TUBB8B: variants seen among roughly 807,000 people sequenced by gnomAD.
TUBB8B encodes tubulin beta 8B.
A neutral mutation model predicts 31.9 loss-of-function variants in TUBB8B; 26 were observed. The observed-to-expected ratio is 0.81, with a 90% CI of 0.60 to 1.13. TUBB8B has a LOEUF of 1.13. Among genes scored for constraint, TUBB8B ranks in the 50% most tolerant of loss-of-function variants. The pLI is 0.00. For synonymous variants in TUBB8B, 173 were observed against 231.0 expected, an observed-to-expected ratio of 0.75 and a Z score of 2.28; for missense variants, 467 against 586.7, an observed-to-expected ratio of 0.80 and a Z score of 2.11.
upstream of TUBB8B, among the ~76,000 whole-genome samples, chr18:50,959 T>C (rs996155416): frequency 2.0e-5 from 3 of 151,596 alleles, no homozygotes; most frequent in African/African-American, 7.3e-5. Flanking sequence ...GGGTCAGGAG[T>C]CCCCACCCAT....
At chr18:49,789 C>G, upstream of TUBB8B, 1 of 651,330 alleles carries the variant, frequency 1.5e-6, no homozygotes, top group Admixed American at 2.1e-5. Context: ...ATGGTCCCTT[C>G]CACGTTGGGG....
At chr18:52,836 G>C (rs1379023557), upstream of TUBB8B, among the ~76,000 whole-genome samples, 2 of 151,800 alleles carry the variant, frequency 1.3e-5, no homozygotes, top group African/African-American at 4.8e-5. Context: ...GAAAACAAGA[G>C]CAGGAATGCA....
upstream of TUBB8B, among the ~76,000 whole-genome samples, chr18:54,574 C>G (rs1906224975): frequency 6.6e-6 from 1 of 151,888 alleles, no homozygotes. Flanking sequence ...CTTATACTCT[C>G]TATGACATCA....
At chr18:68,202 G>A in the TUBB8B span, among the ~76,000 whole-genome samples, 2 of 152,006 alleles carry the variant, frequency 1.3e-5, no homozygotes, top group Non-Finnish European at 2.9e-5. Flanking sequence ...ATACTTCTAG[G>A]AATCTTGCAA....
chr18:55,076 G>A, the TUBB8B span, among the ~76,000 whole-genome samples: 1 of 151,992 alleles, frequency 6.6e-6, no homozygotes, highest in Non-Finnish European at 1.5e-5. Context: ...TTTCTGCACT[G>A]CTATAAAAAA....
the TUBB8B span, among the ~76,000 whole-genome samples, chr18:56,227 T>C: frequency 6.6e-6 from 1 of 151,858 alleles, no homozygotes; most frequent in Non-Finnish European, 1.5e-5. Flanking sequence ...TTAATTACTA[T>C]AGCTTGATAG....
Position 49,554 on chromosome 18 carries a change from T to C in TUBB8B, c.4A>G (p.Arg2Gly), listed in dbSNP as rs1387878773. The change falls in exon 1 of 4, where the codon AGG becomes GGG. Residue 2 changes from arginine to glycine, a missense_variant. Arg to Gly is a moderately radical substitution (Grantham distance 125). This residue lies in a region of TUBB8B where 259 missense variants were observed against 380.1 expected (regional missense o/e 0.68). Coordinates refer to ENST00000308911, the MANE Select transcript of TUBB8B (RefSeq NM_001358689.2). ...CCGGTCTGCGTGAGCACGATTTCCCTCATGGCCAAGGCAGGATTAGGGCGG... is the reference window on the plus strand; with the variant it reads ...CCGGTCTGCGTGAGCACGATTTCCCCCATGGCCAAGGCAGGATTAGGGCGG... Reference protein sequence around the residue: MREIVLTQTGQC... With the variant: MGEIVLTQTGQC... The C allele has an allele frequency of 1.8e-5, 16 of 866,520 alleles. No individual in the cohort carries two copies. The highest frequency in any genetic ancestry group is 2.6e-5 in the Non-Finnish European group (14 of 545,016). The allele number at this position is 866,520 out of a possible 1,614,324, so 53.7% of individuals were successfully genotyped here. A position where few individuals can be genotyped will look rare whatever the true frequency, so the allele number is the denominator to read the frequency against.
chr18:71,568 T>TAA, the TUBB8B span, among the ~76,000 whole-genome samples: 262 of 78,462 alleles, frequency 3.3e-3, 6 homozygotes, highest in African/African-American at 0.01. Flanking sequence ...AAAAAAAAAT[T>TAA]TAAAAAAAAA....
At chr18:63,487 AAT>A in the TUBB8B span, among the ~76,000 whole-genome samples, 1 of 150,930 alleles carries the variant, frequency 6.6e-6, no homozygotes, top group Non-Finnish European at 1.5e-5. Context: ...GAGTTGGGGT[AAT>A]ATAAGCATCC....
chr18:47,274 T>A lies in TUBB8B; in HGVS notation c.*116A>T, dbSNP rs867758535. On this transcript the variant is annotated 3_prime_UTR_variant, in exon 4 of 4. Transcript: ENST00000308911. ...AAAACCGCATACTATAAAAATGCTT[T>A]AAAACGCAGCAGGAGATGTGAAGAC... The A allele has an allele frequency of 6.9e-6, 4 of 575,688 alleles. No homozygotes were observed. The South Asian group carries it at 8.2e-5, about 12-fold the overall frequency. The allele number at this position is 575,688 out of a possible 1,614,324, so 35.7% of individuals were successfully genotyped here. A position where few individuals can be genotyped will look rare whatever the true frequency, so the allele number is the denominator to read the frequency against.
chr18:71,961 G>A, the TUBB8B span, among the ~76,000 whole-genome samples: 2 of 151,834 alleles, frequency 1.3e-5, no homozygotes, highest in Non-Finnish European at 2.9e-5. Context: ...GGTGGATCAC[G>A]AGGTCAGAAG....
chr18:72,196 A>AAAAAAAAAAAAAAAAAAAAAAACAAC, the TUBB8B span, among the ~76,000 whole-genome samples: 26 of 84,482 alleles, frequency 3.1e-4, 1 homozygote, highest in African/African-American at 4.3e-4. Flanking sequence ...AAAAAAAAAA[A>AAAAAAAAAAAAAAAAAAAAAAACAAC]AAAGGAAAAA....
At position 47,716 on chromosome 18, in the gene TUBB8B, T is replaced by A. The variant is rs777108347; in HGVS notation, c.1009A>T (p.Asn337Tyr). 4.3e-6 allele frequency: 7 copies of A among 1,611,600 alleles called. 1 individual carries two copies. In the South Asian group the frequency reaches 7.7e-5, roughly 18 times the overall value. Reference sequence around the variant, plus strand: ...AACCAGTCAGCAAAGTAGCTGCTGTTCTTATCTTGAATGTTGAACATTTGT... The same window carrying A: ...AACCAGTCAGCAAAGTAGCTGCTGTACTTATCTTGAATGTTGAACATTTGT... ...DEQMFNIQDK[N>Y]SSYFADWFPD... The change falls in exon 4 of 4, where the codon AAC becomes TAC. Residue 337 changes from asparagine (N) to tyrosine (Y), a missense_variant. By Grantham distance (143) the Asn-to-Tyr change is moderately radical. This residue lies in a region of TUBB8B where 208 missense variants were observed against 206.7 expected (regional missense o/e 1.01). Coordinates refer to ENST00000308911, the MANE Select transcript of TUBB8B (RefSeq NM_001358689.2).
the TUBB8B span, among the ~76,000 whole-genome samples, chr18:72,196 A>AAAAAAAAAAAAAAAAAC: frequency 1.7e-3 from 144 of 84,464 alleles, 2 homozygotes; most frequent in East Asian, 3.7e-3. Flanking sequence ...AAAAAAAAAA[A>AAAAAAAAAAAAAAAAAC]AAAGGAAAAA....
chr18:48,853 C>G, intron 3 of TUBB8B, 87 bp downstream of exon 3: 1 of 968,154 alleles, frequency 1.0e-6, no homozygotes. Flanking sequence ...CCTGGCGCCA[C>G]AGTTCCCACA....
intron 3 of TUBB8B, 69 bp downstream of exon 3, chr18:48,871 C>T (rs188475603): frequency 3.6e-6 from 4 of 1,117,286 alleles, no homozygotes; most frequent in East Asian, 4.8e-5. Flanking sequence ...ACAGGATGAC[C>T]TTGGGCACTC....
At chr18:64,226 G>C in the TUBB8B span, among the ~76,000 whole-genome samples, 1 of 152,030 alleles carries the variant, frequency 6.6e-6, no homozygotes, top group Admixed American at 6.6e-5. Context: ...GAACAGGTGT[G>C]CATATTCATT....
chr18:65,850 C>T, the TUBB8B span, among the ~76,000 whole-genome samples: 1 of 152,140 alleles, frequency 6.6e-6, no homozygotes, highest in Non-Finnish European at 1.5e-5. Context: ...AACTACAACA[C>T]AAAATTACAA....
chr18:55,813 C>G, the TUBB8B span, among the ~76,000 whole-genome samples: 7 of 151,818 alleles, frequency 4.6e-5, 1 homozygote, highest in Non-Finnish European at 7.4e-5. Context: ...GTTTCCTTCA[C>G]TTTAAAAAAG....
Sources: gnomAD v4.1 joint callset for allele counts (sites outside exome capture counted in the v4.1 genomes callset) on GRCh38, gnomAD v4.1.1 for gene constraint, gnomAD v4.1.1 regional missense constraint, MANE v1.5 for transcripts, NCBI Gene and HGNC (gene_info 2026-07-23, HGNC 2026-07-21) for gene names.